PCDH15: variants seen among roughly 807,000 people sequenced by gnomAD.
The protein encoded by PCDH15 is protocadherin related 15.
A neutral mutation model predicts 178.5 loss-of-function variants in PCDH15; 129 were observed. The ratio of observed to expected loss-of-function variants is 0.72; its 90% CI spans 0.63 to 0.84. The LOEUF (loss-of-function observed/expected upper bound fraction) is 0.84. Among genes scored for constraint, PCDH15 ranks in the 40% least tolerant of loss-of-function variants. The pLI is 0.00. For synonymous variants in PCDH15, 800 were observed against 732.0 expected (o/e 1.09, Z -1.50); for missense variants, 2,230 against 2,099.9 (o/e 1.06, Z -1.21).
chr10:53,899,010 A>T (rs978928274), intron 26 of PCDH15, among the ~76,000 whole-genome samples: 1 of 152,088 alleles, frequency 6.6e-6, no homozygotes, highest in African/African-American at 2.4e-5. Context: ...TTTAAAACTC[A>T]CCTTCACCTA....
At chr10:54,259,414 G>A (rs1368678542) in intron 8 of PCDH15, among the ~76,000 whole-genome samples, 1 of 152,110 alleles carries the variant, frequency 6.6e-6, no homozygotes, top group Non-Finnish European at 1.5e-5. Flanking sequence ...TGAGAGAATG[G>A]TCCATGAGAG....
intron 2 of PCDH15, among the ~76,000 whole-genome samples, chr10:55,362,235 A>G (rs1401770418): frequency 1.3e-5 from 2 of 152,120 alleles, no homozygotes; most frequent in African/African-American, 4.8e-5. Context: ...CTAACTCTCA[A>G]TAAGCCTAAA....
chr10:54,247,940 A>ATG (rs980020356), intron 8 of PCDH15, among the ~76,000 whole-genome samples: 3 of 141,740 alleles, frequency 2.1e-5, no homozygotes, highest in Non-Finnish European at 4.5e-5. Context: ...GAAAGAATAT[A>ATG]TATATATATA....
intron 2 of PCDH15, among the ~76,000 whole-genome samples, chr10:55,091,004 A>G (rs1451987709): frequency 6.6e-6 from 1 of 151,982 alleles, no homozygotes; most frequent in African/African-American, 2.4e-5. Flanking sequence ...AGATCATCAT[A>G]GATACTGTTT....
chr10:54,384,714 C>T (rs575478939), intron 3 of PCDH15, among the ~76,000 whole-genome samples: 2 of 152,106 alleles, frequency 1.3e-5, no homozygotes, highest in Admixed American at 1.3e-4. Flanking sequence ...AATCACAGAA[C>T]AAATTAAAGT....
Position 54,025,872 on chromosome 10 carries a change from C to T in PCDH15, c.2221-2675G>A, listed in dbSNP as rs138777979. 4.2e-4 allele frequency among the ~76,000 whole-genome samples: 64 copies of T among 152,118 alleles called. 1 individual carries two copies. In the East Asian group the frequency reaches 0.012, roughly 28 times the overall value. ...TTGAATCCCTCCCTCCATCTTTTTC[C>T]ATTTTATCTTTCTGACCTACTCTTC... On this transcript the variant is annotated intron_variant, in intron 18 of 37. Coordinates refer to ENST00000644397, the MANE Select transcript of PCDH15 (RefSeq NM_001384140.1).
intron 37 of PCDH15, chr10:53,808,457 T>C: frequency 2.3e-6 from 3 of 1,307,828 alleles, no homozygotes; most frequent in Non-Finnish European, 2.9e-6. Flanking sequence ...GCTGATTGCA[T>C]GTGTTCTGAT....
chr10:54,109,502 A>T (rs2094975507), intron 15 of PCDH15, among the ~76,000 whole-genome samples: 1 of 152,250 alleles, frequency 6.6e-6, no homozygotes, highest in African/African-American at 2.4e-5. Flanking sequence ...ATAAAAAGTG[A>T]CATTCTGTCA....
chr10:54,273,393 C>T (rs1434547982), intron 8 of PCDH15, among the ~76,000 whole-genome samples: 1 of 149,608 alleles, frequency 6.7e-6, no homozygotes, highest in Non-Finnish European at 1.5e-5. Flanking sequence ...AAAGGTGATG[C>T]TTTAAAAACT....
At chr10:55,502,533 T>C (rs1840678819) in intron 2 of PCDH15, among the ~76,000 whole-genome samples, 1 of 151,726 alleles carries the variant, frequency 6.6e-6, no homozygotes, top group Non-Finnish European at 1.5e-5. Context: ...TATTGCGCAG[T>C]GATAAAGTTT....
intron 5 of PCDH15, among the ~76,000 whole-genome samples, chr10:54,350,948 A>G (rs1453101837): frequency 6.6e-6 from 1 of 152,118 alleles, no homozygotes; most frequent in Non-Finnish European, 1.5e-5. Context: ...TACTAAAAAT[A>G]CAAAAATTAA....
At chr10:55,324,688 T>A (rs1488148921) in intron 2 of PCDH15, among the ~76,000 whole-genome samples, 1 of 151,150 alleles carries the variant, frequency 6.6e-6, no homozygotes. Flanking sequence ...AAAACTACAA[T>A]TTTTTTTTAG....
chr10:54,516,175 G>T (rs2082196404), intron 3 of PCDH15, among the ~76,000 whole-genome samples: 1 of 152,174 alleles, frequency 6.6e-6, no homozygotes, highest in South Asian at 2.1e-4. Context: ...AGAGAAGAAG[G>T]CTTCAGATGA....
At chr10:54,813,459 A>G (rs1272470915) in intron 3 of PCDH15, among the ~76,000 whole-genome samples, 1 of 152,194 alleles carries the variant, frequency 6.6e-6, no homozygotes, top group African/African-American at 2.4e-5. Flanking sequence ...CCTCTCTGCA[A>G]AAGATACCCC....
At chr10:54,192,686 CT>C (rs1181650429) in intron 11 of PCDH15, among the ~76,000 whole-genome samples, 2 of 151,980 alleles carry the variant, frequency 1.3e-5, no homozygotes, top group African/African-American at 4.8e-5. Flanking sequence ...TACTAGAAGA[CT>C]AGGCATACTT....
intron 2 of PCDH15, among the ~76,000 whole-genome samples, chr10:55,327,437 AAG>A (rs1844062591): frequency 6.6e-6 from 1 of 152,122 alleles, no homozygotes; most frequent in African/African-American, 2.4e-5. Context: ...GAAGAACTGA[AAG>A]AAGGGAAAAT....
Position 54,924,283 on chromosome 10 carries a change from G to A in PCDH15, c.-79-26783C>T, listed in dbSNP as rs779034877. On this transcript the variant is annotated intron_variant, in intron 2 of 5. Transcript: ENST00000458638. ...TCCTCCTAGGCTCTCCTTCCACAAC[G>A]CTGAGGACTACAATTCAACATGAGA... is the stretch of plus-strand genomic sequence containing the variant. 1.5e-4 allele frequency among the ~76,000 whole-genome samples: 21 copies of A among 137,516 alleles called. 6 individuals are homozygous for A. The highest frequency in any genetic ancestry group is 3.8e-3 in the Middle Eastern group (1 of 266). The allele number at this position is 137,516 out of a possible 152,430, so 90.2% of individuals were successfully genotyped here.
intron 3 of PCDH15, among the ~76,000 whole-genome samples, chr10:54,513,659 T>G (rs2081932710): frequency 6.6e-6 from 1 of 152,182 alleles, no homozygotes; most frequent in African/African-American, 2.4e-5. Context: ...AAAGATTAAT[T>G]ATGTTAAAAA....
At chr10:55,449,062 T>C (rs1027209877) in intron 2 of PCDH15, among the ~76,000 whole-genome samples, 3 of 152,102 alleles carry the variant, frequency 2.0e-5, no homozygotes, top group Admixed American at 1.3e-4. Flanking sequence ...AATTTATAGA[T>C]AGATCTAGGC....
Sources: gnomAD v4.1 joint callset for allele counts (sites outside exome capture counted in the v4.1 genomes callset) on GRCh38, gnomAD v4.1.1 for gene constraint, MANE v1.5 for transcripts, NCBI Gene and HGNC (gene_info 2026-07-23, HGNC 2026-07-21) for gene names.